Variants in RNF115 observed in about 807,000 individuals in gnomAD.
RNF115 encodes the protein ring finger protein 115.
In RNF115, 31 loss-of-function variants were observed where a neutral mutation model predicts 39.2. The ratio of observed to expected loss-of-function variants is 0.79; its 90% CI spans 0.59 to 1.07. The LOEUF (loss-of-function observed/expected upper bound fraction) is 1.07. Among genes scored for constraint, RNF115 ranks in the 50% least tolerant of loss-of-function variants. RNF115 has a pLI of 0.00. For synonymous variants in RNF115, 124 were observed against 131.0 expected, an observed-to-expected ratio of 0.95 and a Z score of 0.37; for missense variants, 384 against 381.7, an observed-to-expected ratio of 1.01 and a Z score of -0.05.
chr1:145,767,906 G>T (rs1158291638), intron 4 of RNF115, among the ~76,000 whole-genome samples: 1 of 152,190 alleles, frequency 6.6e-6, no homozygotes, highest in South Asian at 2.1e-4. Flanking sequence ...AGGTTGCAGT[G>T]AGCCGAGATG....
At chr1:145,750,218 C>T (rs1658022864) in intron 7 of RNF115, among the ~76,000 whole-genome samples, 189 bp downstream of exon 7, 2 of 152,136 alleles carry the variant, frequency 1.3e-5, no homozygotes, top group African/African-American at 2.4e-5. Flanking sequence ...AGATTTGGCA[C>T]CCAGATAGGA....
chr1:145,760,532 T>A (rs187655986), intron 4 of RNF115, among the ~76,000 whole-genome samples: 6 of 152,146 alleles, frequency 3.9e-5, no homozygotes, highest in Non-Finnish European at 7.4e-5. Context: ...GTAAGTCTCA[T>A]GAGATCTGAT....
chr1:145,815,527 T>C (rs1553723414), intron 1 of RNF115, among the ~76,000 whole-genome samples: 1 of 152,286 alleles, frequency 6.6e-6, no homozygotes, highest in East Asian at 1.9e-4. Flanking sequence ...GAAAGACGGA[T>C]GGTAGGGTGT....
intron 1 of RNF115, among the ~76,000 whole-genome samples, chr1:145,791,874 A>G (rs1648685047): frequency 6.6e-6 from 1 of 152,112 alleles, no homozygotes; most frequent in South Asian, 2.1e-4. Context: ...CCTAGACTCC[A>G]AAGGCATGGG....
At chr1:145,749,435 T>C (rs924877569) in intron 7 of RNF115, among the ~76,000 whole-genome samples, 3 of 152,166 alleles carry the variant, frequency 2.0e-5, no homozygotes, top group East Asian at 1.9e-4. Context: ...AATTAAAAAA[T>C]GTAAAACATC....
At chr1:145,761,355 C>G (rs1553713806) in intron 4 of RNF115, among the ~76,000 whole-genome samples, 4 of 152,214 alleles carry the variant, frequency 2.6e-5, no homozygotes. Flanking sequence ...CCATCACAGG[C>G]CCAGAGACCC....
intron 4 of RNF115, among the ~76,000 whole-genome samples, chr1:145,763,193 T>C (rs1658598155): frequency 6.6e-6 from 1 of 152,152 alleles, no homozygotes; most frequent in African/African-American, 2.4e-5. Context: ...ACCAAACCTG[T>C]ACACGTACCC....
At chr1:145,751,919 G>A (rs1553712543) in intron 5 of RNF115, among the ~76,000 whole-genome samples, 3 of 152,120 alleles carry the variant, frequency 2.0e-5, no homozygotes, top group Admixed American at 6.5e-5. Context: ...ATAAGAGGCC[G>A]CCCACAGTTC....
chr1:145,783,374 A>G (rs1648234403), intron 3 of RNF115, among the ~76,000 whole-genome samples: 1 of 152,184 alleles, frequency 6.6e-6, no homozygotes, highest in African/African-American at 2.4e-5. Context: ...CAATGTTGAT[A>G]AATCTAACAA....
At chr1:145,801,173 C>T (rs1362619680) in intron 1 of RNF115, among the ~76,000 whole-genome samples, 1 of 151,932 alleles carries the variant, frequency 6.6e-6, no homozygotes, top group Non-Finnish European at 1.5e-5. Flanking sequence ...CACAGCAAGA[C>T]TCCGTCTCAA....
chr1:145,785,891 G>T (rs782221192), intron 2 of RNF115, among the ~76,000 whole-genome samples: 2 of 152,132 alleles, frequency 1.3e-5, no homozygotes, highest in Non-Finnish European at 2.9e-5. Context: ...AAGCCCAAAA[G>T]TACTTGTACA....
intron 4 of RNF115, among the ~76,000 whole-genome samples, chr1:145,758,065 C>T (rs1436033638): frequency 6.6e-6 from 1 of 152,138 alleles, no homozygotes; most frequent in Non-Finnish European, 1.5e-5. Context: ...AAAATACATC[C>T]ATAAATTCTC....
At chr1:145,786,375 T>G (rs1172746704) in intron 2 of RNF115, among the ~76,000 whole-genome samples, 1 of 152,186 alleles carries the variant, frequency 6.6e-6, no homozygotes, top group African/African-American at 2.4e-5. Context: ...ATGAACTTTA[T>G]AGAAGGAAAT....
Position 145,771,939 on chromosome 1 carries a change from A to G in RNF115, c.220-20T>C. 2 of 1,595,278 alleles carry G rather than the reference A, an allele frequency of 1.3e-6. No homozygotes were observed. Among genetic ancestry groups the G allele is most frequent in the Non-Finnish European group, 1.7e-6 (2 of 1,168,692 alleles). ...CCAAAGCTAGTAAAGACCAGAAATA[A>G]GTCACATGTTAGAAAAATCAATCAA... On this transcript the variant is annotated intron_variant, in intron 3 of 8. Transcript: ENST00000582693.
At chr1:145,797,250 A>T (rs1182569918) in intron 1 of RNF115, among the ~76,000 whole-genome samples, 1 of 152,150 alleles carries the variant, frequency 6.6e-6, no homozygotes, top group Non-Finnish European at 1.5e-5. Flanking sequence ...TGGATTTGAG[A>T]CTGAGTTACC....
chr1:145,768,005 A>ACCGTG (rs1447799240), intron 4 of RNF115, among the ~76,000 whole-genome samples: 2 of 152,026 alleles, frequency 1.3e-5, no homozygotes, highest in Non-Finnish European at 2.9e-5. Context: ...GGAGAGGGAG[A>ACCGTG]GGGAGAGGGA....
At chr1:145,787,895 A>G (rs1419895871) in intron 2 of RNF115, among the ~76,000 whole-genome samples, 2 of 152,044 alleles carry the variant, frequency 1.3e-5, no homozygotes, top group African/African-American at 4.8e-5. Flanking sequence ...CTCAAAAAAA[A>G]AAGAAAAAAG....
At chr1:145,775,262 C>T (rs1329923327) in intron 3 of RNF115, among the ~76,000 whole-genome samples, 2 of 151,952 alleles carry the variant, frequency 1.3e-5, no homozygotes, top group South Asian at 4.2e-4. Context: ...TACACACATA[C>T]CTACAGTAAA....
chr1:145,796,601 G>A (rs1247279424), intron 1 of RNF115, among the ~76,000 whole-genome samples: 1 of 151,872 alleles, frequency 6.6e-6, no homozygotes, highest in Non-Finnish European at 1.5e-5. Flanking sequence ...TGCCCAGGCT[G>A]GTCTTGAACT....
Sources: gnomAD v4.1 joint callset for allele counts (sites outside exome capture counted in the v4.1 genomes callset) on GRCh38, gnomAD v4.1.1 for gene constraint, MANE v1.5 for transcripts, NCBI Gene and HGNC (gene_info 2026-07-23, HGNC 2026-07-21) for gene names.